Variants in MACROD2 observed in about 807,000 individuals in gnomAD.
The protein encoded by MACROD2 is mono-ADP ribosylhydrolase 2.
MACROD2 carries 36 observed loss-of-function variants against 70.4 expected under a neutral mutation model. The ratio of observed to expected loss-of-function variants is 0.51; its 90% confidence interval spans 0.39 to 0.68. The LOEUF is 0.68. Ranked by LOEUF, MACROD2 falls within the 30% of genes least tolerant of loss-of-function variation. MACROD2 has a pLI of 0.00. For synonymous variants in MACROD2, 172 were observed against 178.8 expected, an observed-to-expected ratio of 0.96 and a Z score of 0.30; for missense variants, 496 against 538.4, an observed-to-expected ratio of 0.92 and a Z score of 0.78.
chr20:14,232,730 A>G (rs1186738893), intron 3 of MACROD2, among the ~76,000 whole-genome samples: 1 of 152,228 alleles, frequency 6.6e-6, no homozygotes, highest in Non-Finnish European at 1.5e-5. Flanking sequence ...CACATCAGCA[A>G]TAGGGCTGTT....
rs192387463 is a variant in MACROD2 at position 14,923,454 on chromosome 20, T to C, written c.418+238495T>C. On this transcript the variant is annotated intron_variant, in intron 5 of 17. Transcript: ENST00000684519. ...TGACTTTCTAATTTATCACAACACT[T>C]ACTTTCAAAAAATACATGCACACCT... 4.5e-4 allele frequency among the ~76,000 whole-genome samples: 68 copies of C among 152,172 alleles called. 1 individual carries two copies. Among genetic ancestry groups the C allele is most frequent in the Admixed American group, 1.3e-3 (20 of 15,282 alleles).
intron 5 of MACROD2, among the ~76,000 whole-genome samples, chr20:14,766,694 C>G (rs204110): frequency 0.073 from 11,108 of 152,110 alleles, 489 homozygotes; most frequent in Middle Eastern, 0.21. Flanking sequence ...GACTGTGCTC[C>G]AAGGAATCCA....
intron 3 of MACROD2, among the ~76,000 whole-genome samples, chr20:14,233,741 C>G (rs959377118): frequency 7.2e-6 from 1 of 138,030 alleles, no homozygotes; most frequent in Non-Finnish European, 1.6e-5. Context: ...AATGAACTAA[C>G]AAGTCATGAA....
chr20:15,132,273 G>T (rs2076112134), intron 5 of MACROD2, among the ~76,000 whole-genome samples: 1 of 151,938 alleles, frequency 6.6e-6, no homozygotes, highest in Non-Finnish European at 1.5e-5. Context: ...AAATATGGTG[G>T]TGGTAAGAGA....
At chr20:14,697,245 AC>A (rs1252144773) in intron 5 of MACROD2, among the ~76,000 whole-genome samples, 1 of 152,206 alleles carries the variant, frequency 6.6e-6, no homozygotes, top group Admixed American at 6.5e-5. Context: ...TTTAAAATTA[AC>A]AAAAGTTATT....
chr20:14,277,283 A>T (rs1479288628), intron 3 of MACROD2, among the ~76,000 whole-genome samples: 1 of 152,142 alleles, frequency 6.6e-6, no homozygotes, highest in Non-Finnish European at 1.5e-5. Flanking sequence ...CCCCGTCTCT[A>T]CTAAAAATAC....
At chr20:15,225,104 TTCA>T (rs2076894420) in intron 5 of MACROD2, among the ~76,000 whole-genome samples, 1 of 152,110 alleles carries the variant, frequency 6.6e-6, no homozygotes, top group South Asian at 2.1e-4. Context: ...TGCCCTCTTG[TTCA>T]TCATTTAAAC....
chr20:15,174,468 G>T (rs902739856), intron 5 of MACROD2, among the ~76,000 whole-genome samples: 16 of 152,184 alleles, frequency 1.1e-4, no homozygotes, highest in African/African-American at 1.7e-4. Context: ...AAACATATGT[G>T]TGCATGTGTC....
At chr20:14,237,180 G>C (rs2081883394) in intron 3 of MACROD2, among the ~76,000 whole-genome samples, 1 of 151,878 alleles carries the variant, frequency 6.6e-6, no homozygotes, top group Non-Finnish European at 1.5e-5. Context: ...ATATCTCTCT[G>C]ATAGCTTTAA....
chr20:15,131,069 T>C (rs1272513638), intron 5 of MACROD2, among the ~76,000 whole-genome samples: 1 of 152,064 alleles, frequency 6.6e-6, no homozygotes, highest in East Asian at 1.9e-4. Flanking sequence ...AAATTGTAGT[T>C]TATACGGGAA....
chr20:14,889,257 A>T (rs913785), intron 5 of MACROD2, among the ~76,000 whole-genome samples: 2 of 152,044 alleles, frequency 1.3e-5, no homozygotes, highest in Non-Finnish European at 2.9e-5. Context: ...GGCACTGAGG[A>T]TATATCGGTA....
chr20:14,550,520 C>T (rs1375934765), intron 4 of MACROD2, among the ~76,000 whole-genome samples: 1 of 152,136 alleles, frequency 6.6e-6, no homozygotes, highest in Non-Finnish European at 1.5e-5. Flanking sequence ...AGTCTGTGAA[C>T]CAGAAAGCAG....
intron 6 of MACROD2, among the ~76,000 whole-genome samples, chr20:15,294,745 C>A (rs534027847): frequency 6.6e-6 from 1 of 152,320 alleles, no homozygotes; most frequent in East Asian, 1.9e-4. Flanking sequence ...TCTCTTCCTT[C>A]CCCCAACTGT....
intron 4 of MACROD2, among the ~76,000 whole-genome samples, chr20:14,541,301 G>T (rs2423810): frequency 0.3 from 45,756 of 151,844 alleles, 7,092 homozygotes; most frequent in East Asian, 0.45. Flanking sequence ...GGTCTGGCAA[G>T]TTCTGTCTGC....
At chr20:14,799,711 T>C (rs2122134991) in intron 5 of MACROD2, among the ~76,000 whole-genome samples, 1 of 152,124 alleles carries the variant, frequency 6.6e-6, no homozygotes, top group East Asian at 1.9e-4. Flanking sequence ...TCACATTAAG[T>C]ATATTAGGTA....
chr20:14,810,170 C>A (rs1161970442), intron 5 of MACROD2, among the ~76,000 whole-genome samples: 1 of 152,148 alleles, frequency 6.6e-6, no homozygotes, highest in Non-Finnish European at 1.5e-5. Flanking sequence ...CCCTGATGAA[C>A]TTTGATGCGA....
intron 4 of MACROD2, among the ~76,000 whole-genome samples, chr20:14,578,896 C>A (rs1054354159): frequency 2.0e-5 from 3 of 152,016 alleles, no homozygotes; most frequent in Non-Finnish European, 4.4e-5. Context: ...TCAGCTGTTT[C>A]TTCTAAGAAT....
chr20:14,890,217 T>C (rs974742632), intron 5 of MACROD2, among the ~76,000 whole-genome samples: 1 of 151,920 alleles, frequency 6.6e-6, no homozygotes, highest in Non-Finnish European at 1.5e-5. Context: ...GAGATACAAC[T>C]TGAGAGTTGT....
At chr20:15,356,431 A>G (rs1260956936) in intron 6 of MACROD2, among the ~76,000 whole-genome samples, 1 of 152,196 alleles carries the variant, frequency 6.6e-6, no homozygotes, top group Non-Finnish European at 1.5e-5. Context: ...TGAATATATC[A>G]AGGGTCTATA....
Sources: gnomAD v4.1 joint callset for allele counts (sites outside exome capture counted in the v4.1 genomes callset) on GRCh38, gnomAD v4.1.1 for gene constraint, MANE v1.5 for transcripts, NCBI Gene and HGNC (gene_info 2026-07-23, HGNC 2026-07-21) for gene names.